ALPK1: variants seen among roughly 807,000 people sequenced by gnomAD.
ALPK1 encodes alpha-protein kinase 1.
Under a neutral mutation model 120.6 loss-of-function variants are expected in ALPK1, and 110 were observed. That is an observed-to-expected ratio of 0.91 (90% CI 0.78 to 1.07). ALPK1 has a LOEUF of 1.07. Among genes scored for constraint, ALPK1 ranks in the 50% least tolerant of loss-of-function variants. The probability of loss-of-function intolerance (pLI) is 0.00; values close to 1 mark genes in which losing one functional copy is unlikely to be tolerated. For missense variants in ALPK1, 1,498 were observed against 1,483.9 expected (o/e 1.01, Z -0.16); for synonymous variants, 582 against 560.3 (o/e 1.04, Z -0.55).
chr4:112,358,541 A>T, intron 2 of ALPK1: 1 of 697,296 alleles, frequency 1.4e-6, no homozygotes, highest in Non-Finnish European at 2.6e-6. Flanking sequence ...CAGCCTGTAT[A>T]TGGAGTATGA....
intron 2 of ALPK1, among the ~76,000 whole-genome samples, chr4:112,326,630 A>G (rs964579483): frequency 5.9e-5 from 9 of 152,288 alleles, no homozygotes; most frequent in East Asian, 3.9e-4. Flanking sequence ...ATGTCCATCA[A>G]TACATTCCCC....
intron 2 of ALPK1, among the ~76,000 whole-genome samples, chr4:112,322,921 A>T (rs1311501309): frequency 6.6e-6 from 1 of 152,234 alleles, no homozygotes; most frequent in Non-Finnish European, 1.5e-5. Flanking sequence ...GTACTTTGCC[A>T]ATGTAAAGTG....
intron 1 of ALPK1, among the ~76,000 whole-genome samples, chr4:112,300,339 A>G (rs773247389): frequency 1.3e-5 from 2 of 152,014 alleles, no homozygotes; most frequent in Non-Finnish European, 2.9e-5. Context: ...TTCTTTCTAC[A>G]TAACATGATA....
At chr4:112,381,582 G>A (rs1350461137) in intron 3 of ALPK1, among the ~76,000 whole-genome samples, 1 of 152,194 alleles carries the variant, frequency 6.6e-6, no homozygotes, top group Non-Finnish European at 1.5e-5. Flanking sequence ...TCTGGTGCAT[G>A]TACTGTACAT....
chr4:112,425,772 C>T, intron 7 of ALPK1, 21 bp downstream of exon 7: 1 of 1,594,094 alleles, frequency 6.3e-7, no homozygotes, highest in Non-Finnish European at 8.6e-7. Context: ...GTAAAACTTG[C>T]ATTTCTCAAG....
At chr4:112,387,685 A>G (rs539610326) in intron 4 of ALPK1, among the ~76,000 whole-genome samples, 1 of 152,284 alleles carries the variant, frequency 6.6e-6, no homozygotes, top group Admixed American at 6.5e-5. Context: ...ACACCATAAT[A>G]ATAATAATAA....
chr4:112,359,574 G>A (rs768329022), intron 2 of ALPK1: 6 of 245,150 alleles, frequency 2.4e-5, no homozygotes, highest in East Asian at 9.5e-5. Flanking sequence ...CACCCACGGG[G>A]CTTCCCAACC....
chr4:112,398,282 A>C (rs553337181), intron 4 of ALPK1, among the ~76,000 whole-genome samples: 1 of 152,226 alleles, frequency 6.6e-6, no homozygotes, highest in Non-Finnish European at 1.5e-5. Context: ...ATGATAACAG[A>C]CTTAAATTTT....
chr4:112,395,567 T>C (rs550324182), intron 4 of ALPK1, among the ~76,000 whole-genome samples: 2 of 152,346 alleles, frequency 1.3e-5, no homozygotes, highest in African/African-American at 4.8e-5. Context: ...TGTGCATTAC[T>C]ATGTATATAG....
intron 2 of ALPK1, among the ~76,000 whole-genome samples, chr4:112,360,770 G>T (rs1047931080): frequency 1.3e-5 from 2 of 152,168 alleles, no homozygotes; most frequent in Non-Finnish European, 2.9e-5. Context: ...GCATATGAAA[G>T]ATACCCTTTT....
At chr4:112,409,908 G>A (rs1352772943) in intron 4 of ALPK1, among the ~76,000 whole-genome samples, 2 of 152,058 alleles carry the variant, frequency 1.3e-5, no homozygotes, top group African/African-American at 4.8e-5. Flanking sequence ...AGACCAAAAA[G>A]ATAAATAGAG....
intron 7 of ALPK1, chr4:112,426,164 GT>G (rs895412121): frequency 5.1e-5 from 11 of 216,032 alleles, no homozygotes; most frequent in African/African-American, 2.5e-4. Flanking sequence ...CAAAATAATG[GT>G]TTGAGAAATT....
At chr4:112,330,677 C>G (rs1038196844) in intron 2 of ALPK1, among the ~76,000 whole-genome samples, 3 of 152,190 alleles carry the variant, frequency 2.0e-5, no homozygotes, top group Admixed American at 6.5e-5. Context: ...ACTATTTTCT[C>G]TATACCAGTA....
At position 112,377,684 on chromosome 4, in the gene ALPK1, C is replaced by T. The variant is rs575454619; in HGVS notation, c.-94C>T. The stretch of plus-strand genomic sequence containing the variant: ...CCTCTCTTTTGTTCACCAGGTACTT[C>T]GGCCTTCAAGGGGCTCCTTTATTGA... On this transcript the variant is annotated 5_prime_UTR_variant, in exon 3 of 16. Coordinates refer to ENST00000650871, the MANE Select transcript of ALPK1 (RefSeq NM_025144.4). 250 of 1,235,274 alleles carry T rather than the reference C, an allele frequency of 2.0e-4. No homozygotes were observed. The highest frequency in any genetic ancestry group is 2.1e-4 in the Non-Finnish European group (195 of 921,484). The allele number at this position is 1,235,274 out of a possible 1,614,324, so 76.5% of individuals were successfully genotyped here. A position where few individuals can be genotyped will look rare whatever the true frequency, so the allele number is the denominator to read the frequency against.
chr4:112,304,194 G>A (rs1228029468), intron 1 of ALPK1, among the ~76,000 whole-genome samples: 1 of 151,776 alleles, frequency 6.6e-6, no homozygotes, highest in Non-Finnish European at 1.5e-5. Flanking sequence ...ATTGTGAATA[G>A]TGCCACAATA....
chr4:112,326,346 G>A (rs1246392136), intron 2 of ALPK1, among the ~76,000 whole-genome samples: 14 of 152,122 alleles, frequency 9.2e-5, no homozygotes, highest in Admixed American at 9.2e-4. Context: ...AAATGCTTGA[G>A]TCGAGGGGTC....
Position 112,382,545 on chromosome 4 carries a change from A to G in ALPK1, c.269A>G (p.Gln90Arg), listed in dbSNP as rs1440842900. The G allele has an allele frequency of 5.6e-6, 9 of 1,614,128 alleles. No individual in the cohort carries two copies. The highest frequency in any genetic ancestry group is 7.6e-6 in the Non-Finnish European group (9 of 1,179,992). The change falls in exon 4 of 16, where the codon CAG (glutamine) becomes CGG (arginine). Residue 90 changes from glutamine to arginine, a missense_variant. Coordinates refer to ENST00000650871, the MANE Select transcript of ALPK1 (RefSeq NM_025144.4). ...LKDVIGAGLQQLLASLRASIL... is the reference protein window; with the variant it reads ...LKDVIGAGLQRLLASLRASIL... Reference sequence around the variant, plus strand: ...GATGTGATTGGCGCCGGGTTGCAGCAGTTACTGGTAGGAAGAGCCACACCA... The same window carrying G: ...GATGTGATTGGCGCCGGGTTGCAGCGGTTACTGGTAGGAAGAGCCACACCA...
chr4:112,299,961 G>A (rs1039529675), intron 1 of ALPK1, among the ~76,000 whole-genome samples: 1 of 152,062 alleles, frequency 6.6e-6, no homozygotes, highest in Non-Finnish European at 1.5e-5. Flanking sequence ...TAGATCAAGG[G>A]CTACTAATGG....
At chr4:112,417,877 A>T (rs964829757) in intron 5 of ALPK1, among the ~76,000 whole-genome samples, 2 of 152,234 alleles carry the variant, frequency 1.3e-5, no homozygotes, top group Non-Finnish European at 2.9e-5. Flanking sequence ...TAGATTTTTT[A>T]AAGTTAACAA....
Sources: allele counts gnomAD v4.1 joint callset (sites outside exome capture counted in the v4.1 genomes callset), GRCh38; gene constraint gnomAD v4.1.1; transcripts MANE v1.5; gene names NCBI Gene and HGNC (gene_info 2026-07-23, HGNC 2026-07-21).